MYH10: variants seen among roughly 807,000 people sequenced by gnomAD.
MYH10 encodes the protein myosin-10.
In MYH10, 55 loss-of-function variants were observed where a neutral mutation model predicts 257.8. That is an observed-to-expected ratio of 0.21 (90% CI 0.17 to 0.27). The LOEUF is 0.27. Among genes scored for constraint, MYH10 ranks in the 10% least tolerant of loss-of-function variants. The pLI, the probability that MYH10 is intolerant of heterozygous loss-of-function variation, is 1.00. For missense variants in MYH10, 1,631 were observed against 2,500.6 expected, an observed-to-expected ratio of 0.65 and a Z score of 7.42; for synonymous variants, 854 against 921.7, an observed-to-expected ratio of 0.93 and a Z score of 1.33.
chr17:8,585,286 G>GTATATATATA (rs71361807), intron 4 of MYH10, among the ~76,000 whole-genome samples: 3,418 of 84,562 alleles, frequency 0.04, 234 homozygotes, highest in South Asian at 0.12. Context: ...ATGTGTGTGT[G>GTATATATATA]TGTATATATA....
At chr17:8,618,244 C>CT (rs1216715137) in intron 2 of MYH10, among the ~76,000 whole-genome samples, 3 of 131,202 alleles carry the variant, frequency 2.3e-5, no homozygotes, top group African/African-American at 1.1e-4. Context: ...TGATAATTTC[C>CT]TTTTTTCTTT....
chr17:8,584,930 G>A (rs950652238), intron 4 of MYH10, among the ~76,000 whole-genome samples: 2 of 151,932 alleles, frequency 1.3e-5, no homozygotes, highest in Admixed American at 6.6e-5. Flanking sequence ...CACAACCTCC[G>A]CCTCCCGGGT....
chr17:8,484,034 A>G, intron 37 of MYH10, 104 bp downstream of exon 37: 1 of 1,090,406 alleles, frequency 9.2e-7, no homozygotes, highest in Non-Finnish European at 1.3e-6. Context: ...AAAAATGTAT[A>G]CTGACATTAC....
intron 3 of MYH10, among the ~76,000 whole-genome samples, chr17:8,599,765 A>C (rs2084521346): frequency 6.6e-6 from 1 of 152,254 alleles, no homozygotes; most frequent in South Asian, 2.1e-4. Context: ...CAGAAGATAC[A>C]GTCACAACCC....
At chr17:8,590,973 C>T (rs900302671) in intron 3 of MYH10, among the ~76,000 whole-genome samples, 14 of 144,276 alleles carry the variant, frequency 9.7e-5, no homozygotes, top group Admixed American at 5.1e-4. Context: ...CCCGGGTTCA[C>T]GCCATTCTCC....
chr17:8,580,230 C>T (rs970592732), intron 4 of MYH10, among the ~76,000 whole-genome samples: 2 of 152,024 alleles, frequency 1.3e-5, no homozygotes, highest in African/African-American at 4.8e-5. Context: ...GAGCACCCAC[C>T]ATCATCCTTC....
At position 8,506,741 on chromosome 17, in the gene MYH10, T is replaced by C. The variant is rs1003105853; in HGVS notation, c.3215-252A>G. 2.6e-5 allele frequency among the ~76,000 whole-genome samples: 4 copies of C among 151,986 alleles called. No individual in the cohort carries two copies. Among genetic ancestry groups the C allele is most frequent in the African/African-American group, 9.6e-5 (4 of 41,476 alleles). On this transcript the variant is annotated intron_variant, in intron 26 of 42. Coordinates refer to ENST00000360416, the MANE Select transcript of MYH10 (RefSeq NM_001256012.3). This position sits in a 1 kb window ranked among gnomAD's most constrained non-coding sequence, Gnocchi z 5.0. ...TGAGTGTCCTAAGAATGTCCTTTCA[T>C]GGGAGGTGAGACCACACTGTGAGAG... is the stretch of plus-strand genomic sequence containing the variant.
chr17:8,538,564 T>C (rs1481715294), intron 14 of MYH10, among the ~76,000 whole-genome samples: 4 of 152,148 alleles, frequency 2.6e-5, no homozygotes, highest in African/African-American at 4.8e-5. Flanking sequence ...AATCCTCAAA[T>C]TGAGGTAAAG....
At chr17:8,627,622 T>C (rs1351951952) in intron 1 of MYH10, among the ~76,000 whole-genome samples, 1 of 152,244 alleles carries the variant, frequency 6.6e-6, no homozygotes, top group Non-Finnish European at 1.5e-5. Flanking sequence ...TCTTCACTTG[T>C]AATTGTCAAA....
At chr17:8,529,423 A>G (rs1405818069) in intron 17 of MYH10, among the ~76,000 whole-genome samples, 1 of 152,224 alleles carries the variant, frequency 6.6e-6, no homozygotes, top group African/African-American at 2.4e-5. Context: ...AGAAAGTCCA[A>G]AAGATCAAGC....
In MYH10 at chr17:8,499,318, T is replaced by G; in HGVS notation, c.3903A>C (p.Glu1301Asp). 6.2e-7 allele frequency: 1 copy of G among 1,614,104 alleles called. No individual in the cohort carries two copies. The highest frequency in any genetic ancestry group is 1.1e-5 in the South Asian group (1 of 91,082). The change falls in exon 30 of 43, where the codon GAA (glutamate) becomes GAC (aspartate). Residue 1301 changes from glutamate to aspartate, a missense_variant. Coordinates refer to ENST00000360416, the MANE Select transcript of MYH10 (RefSeq NM_001256012.3). ...QVQELHAKVS[E>D]GDRLRVELAE... ...CCAGCTCCACCCTGAGCCTGTCGCC[T>G]TCAGAGACCTTGGCATGGAGCTCCT... is the stretch of plus-strand genomic sequence containing the variant.
At position 8,474,785 on chromosome 17, in the gene MYH10, C is replaced by T. The variant is rs1912233684; in HGVS notation, c.*1019G>A. On this transcript the variant is annotated 3_prime_UTR_variant, in exon 43 of 43. Coordinates refer to ENST00000360416, the MANE Select transcript of MYH10 (RefSeq NM_001256012.3). ...AGAAGGAAAAATGAAGGAGTCACAC[C>T]CACTGGCATGTCAACATTCAGGAAG... 1 of 152,700 alleles carries T rather than the reference C, an allele frequency of 6.5e-6. No homozygotes were observed. The highest frequency in any genetic ancestry group is 1.5e-5 in the Non-Finnish European group (1 of 68,118). 9.5% of individuals were successfully genotyped at this position (152,700 alleles called of 1,614,324 possible).
At position 8,490,483 on chromosome 17, in the gene MYH10, C is replaced by T. The variant is rs753343720; in HGVS notation, c.4741G>A (p.Glu1581Lys). ...QVEEMRTQLE[E>K]LEDELQATED... ...GTGGCCTGGAGTTCGTCTTCCAGCT[C>T]CTCCAGCTGGGTCCTCATTTCCTCC... Residue 1581 changes from glutamate (E) to lysine (K), a missense_variant, in exon 35 of 43, where the codon GAG becomes AAG. Transcript: ENST00000360416. This position sits in a 1 kb window ranked among gnomAD's most constrained non-coding sequence, Gnocchi z 4.1. 1 of 1,614,226 alleles carries T rather than the reference C, an allele frequency of 6.2e-7. No individual in the cohort carries two copies. The highest frequency in any genetic ancestry group is 8.5e-7 in the Non-Finnish European group (1 of 1,180,036).
rs1325448385 is a variant in MYH10 at position 8,480,174 on chromosome 17, C to T, written c.5533G>A (p.Ala1845Thr). 1.9e-6 allele frequency: 3 copies of T among 1,614,186 alleles called. No homozygotes were observed. Among genetic ancestry groups the T allele is most frequent in the African/African-American group, 1.3e-5 (1 of 75,064 alleles). ...LEGAVKSKFK[A>T]TISALEAKIG... is the part of the protein sequence containing the mutation. Reference sequence around the variant, plus strand: ...TTGGCCTCCAGGGCTGAGATGGTGGCCTTGAACTTAGACTTGACAGCACCC... The same window carrying T: ...TTGGCCTCCAGGGCTGAGATGGTGGTCTTGAACTTAGACTTGACAGCACCC... The change falls in exon 40 of 43, where the codon GCC becomes ACC. Residue 1845 changes from alanine to threonine, a missense_variant. Transcript: ENST00000360416.
chr17:8,565,171 C>T (rs268446), intron 7 of MYH10, among the ~76,000 whole-genome samples: 146,909 of 152,346 alleles, frequency 0.96, 71,069 homozygotes, highest in East Asian at 1. Flanking sequence ...TGTTAAACTT[C>T]AAGAATCTAT....
Position 8,548,730 on chromosome 17 carries a change from G to C in MYH10, c.977C>G (p.Pro326Arg). Reference sequence around the variant, plus strand: ...ATCTTTGTCTTGCTGTCCCGGAATAGGAATATAGCCATTGGAGAGAAACCT... The same window carrying C: ...ATCTTTGTCTTGCTGTCCCGGAATACGAATATAGCCATTGGAGAGAAACCT... ...NYRFLSNGYI[P>R]IPGQQDKDNF... Residue 326 changes from proline to arginine, a missense_variant, in exon 10 of 43, where the codon CCT (proline) becomes CGT (arginine). By Grantham distance (103) the Pro-to-Arg change is moderately radical. Around this residue, in one of 11 missense-constraint regions of MYH10, gnomAD observed 360 missense variants for 581.9 expected, o/e 0.62. Coordinates refer to ENST00000360416, the MANE Select transcript of MYH10 (RefSeq NM_001256012.3). The C allele has an allele frequency of 1.9e-6, 3 of 1,613,620 alleles. No individual in the cohort carries two copies. The highest frequency in any genetic ancestry group is 2.5e-6 in the Non-Finnish European group (3 of 1,179,588).
At chr17:8,485,137 T>G (rs1022802615) in intron 36 of MYH10, among the ~76,000 whole-genome samples, 22 of 152,142 alleles carry the variant, frequency 1.4e-4, no homozygotes, top group African/African-American at 5.3e-4. Context: ...AAGAACTAAT[T>G]GATGAGTTTA....
Position 8,569,832 on chromosome 17 carries a change from C to T in MYH10, c.664-20G>A, listed in dbSNP as rs2083279752. On this transcript the variant is annotated intron_variant, in intron 6 of 42. Transcript: ENST00000360416. The surrounding 1 kb of genome is among the most constrained non-coding windows in gnomAD (Gnocchi z 4.1). ...TTCCCCCTAAAAGACATTACACACACACAAATAAAAGCAGATGTACGTTAA... is the reference window on the plus strand; with the variant it reads ...TTCCCCCTAAAAGACATTACACACATACAAATAAAAGCAGATGTACGTTAA... 1 of 1,563,436 alleles carries T rather than the reference C, an allele frequency of 6.4e-7. No homozygotes were observed. Among genetic ancestry groups the T allele is most frequent in the East Asian group, 2.3e-5 (1 of 44,132 alleles).
At chr17:8,485,136 T>C (rs138941299) in intron 36 of MYH10, among the ~76,000 whole-genome samples, 27 of 152,300 alleles carry the variant, frequency 1.8e-4, no homozygotes, top group Admixed American at 9.8e-4. Flanking sequence ...CAAGAACTAA[T>C]TGATGAGTTT....
Sources: gnomAD v4.1 joint callset for allele counts (sites outside exome capture counted in the v4.1 genomes callset) on GRCh38, gnomAD v4.1.1 for gene constraint, gnomAD v4.1.1 regional missense constraint, Gnocchi (gnomAD v3.1) non-coding constraint, MANE v1.5 for transcripts, NCBI Gene and HGNC (gene_info 2026-07-23, HGNC 2026-07-21) for gene names.